ZFAT: variants seen among roughly 807,000 people sequenced by gnomAD.
ZFAT encodes the protein zinc finger and AT-hook domain containing.
Under a neutral mutation model 117.7 loss-of-function variants are expected in ZFAT, and 64 were observed. That is an observed-to-expected ratio of 0.54 (90% confidence interval 0.44 to 0.67). The LOEUF (loss-of-function observed/expected upper bound fraction) is 0.67. Ranked by LOEUF, ZFAT falls within the 30% of genes least tolerant of loss-of-function variation. ZFAT has a pLI of 0.00. For synonymous variants in ZFAT, 679 were observed against 615.0 expected (o/e 1.10, Z -1.54); for missense variants, 1,433 against 1,584.5 (o/e 0.90, Z 1.62).
chr8:134,816,779 G>A, the ZFAT span, among the ~76,000 whole-genome samples: 1 of 151,976 alleles, frequency 6.6e-6, no homozygotes, highest in Non-Finnish European at 1.5e-5. Context: ...TCAGGAGTTC[G>A]AGACCAGCCT....
At chr8:134,574,388 C>G (rs1396158089) in intron 10 of ZFAT, among the ~76,000 whole-genome samples, 1 of 152,022 alleles carries the variant, frequency 6.6e-6, no homozygotes, top group South Asian at 2.1e-4. Context: ...GAAGCCCCAG[C>G]CTGGCGACTT....
chr8:134,656,770 C>T (rs1831631798), intron 2 of ZFAT, among the ~76,000 whole-genome samples: 1 of 152,218 alleles, frequency 6.6e-6, no homozygotes, highest in African/African-American at 2.4e-5. Flanking sequence ...TGCCCAGCTG[C>T]TGTCCTTTAT....
the ZFAT span, among the ~76,000 whole-genome samples, chr8:134,817,493 G>C: frequency 3.3e-5 from 5 of 150,806 alleles, no homozygotes; most frequent in East Asian, 7.8e-4. Context: ...GCATATACGA[G>C]ACCAAAATAT....
At chr8:134,774,570 A>G in the ZFAT span, among the ~76,000 whole-genome samples, 900 of 152,304 alleles carry the variant, frequency 5.9e-3, 6 homozygotes, top group African/African-American at 0.021. Flanking sequence ...TTTTTAAATT[A>G]AGATATGTAC....
At chr8:134,502,971 C>G (rs567429804) in intron 15 of ZFAT, among the ~76,000 whole-genome samples, 115 of 152,314 alleles carry the variant, frequency 7.6e-4, no homozygotes, top group Middle Eastern at 6.8e-3. Context: ...CTAAAACTGG[C>G]AGGCAGTGTG....
the ZFAT span, among the ~76,000 whole-genome samples, chr8:134,760,085 G>A: frequency 4.0e-5 from 6 of 150,828 alleles, no homozygotes; most frequent in Middle Eastern, 3.5e-3. Context: ...TTGAGACCAC[G>A]GTGAAACCCC....
the ZFAT span, among the ~76,000 whole-genome samples, chr8:134,743,046 A>G: frequency 6.6e-6 from 1 of 152,276 alleles, no homozygotes; most frequent in African/African-American, 2.4e-5. Context: ...CAGGTGTGAA[A>G]GAGTGACACA....
intron 15 of ZFAT, among the ~76,000 whole-genome samples, chr8:134,479,729 C>A (rs965436364): frequency 1.3e-5 from 2 of 152,134 alleles, no homozygotes; most frequent in African/African-American, 4.8e-5. Flanking sequence ...AGAGCACGTG[C>A]TTTGTCCTGC....
chr8:134,629,434 C>G (rs1829736157), intron 3 of ZFAT, among the ~76,000 whole-genome samples: 1 of 151,934 alleles, frequency 6.6e-6, no homozygotes. Context: ...AACTGCACTT[C>G]TTGGGCCCTT....
At chr8:134,805,354 T>TA in the ZFAT span, among the ~76,000 whole-genome samples, 1 of 152,188 alleles carries the variant, frequency 6.6e-6, no homozygotes, top group Non-Finnish European at 1.5e-5. Flanking sequence ...ACGTTATTGT[T>TA]AAAAATGACT....
chr8:134,757,032 T>TC, the ZFAT span, among the ~76,000 whole-genome samples: 4 of 146,858 alleles, frequency 2.7e-5, no homozygotes, highest in Non-Finnish European at 6.0e-5. Context: ...TTTTTTTTTT[T>TC]TGAGACAAAG....
At chr8:134,585,247 G>A (rs1214575290) in intron 9 of ZFAT, among the ~76,000 whole-genome samples, 1 of 152,142 alleles carries the variant, frequency 6.6e-6, no homozygotes, top group African/African-American at 2.4e-5. Context: ...GCATCTTTCT[G>A]TATCTCGCAT....
chr8:134,482,246 T>C (rs1817366393), intron 15 of ZFAT, among the ~76,000 whole-genome samples: 1 of 152,142 alleles, frequency 6.6e-6, no homozygotes, highest in African/African-American at 2.4e-5. Context: ...CATACCTCCG[T>C]CTGCAAGTGG....
chr8:134,685,976 CACACA>C (rs528685958), intron 1 of ZFAT, among the ~76,000 whole-genome samples: 289 of 152,286 alleles, frequency 1.9e-3, no homozygotes, highest in African/African-American at 6.8e-3. Context: ...AGCAGGTGGG[CACACA>C]GCAGGGCTAC....
the ZFAT span, among the ~76,000 whole-genome samples, chr8:134,818,918 T>C: frequency 1.3e-5 from 2 of 152,186 alleles, no homozygotes; most frequent in African/African-American, 4.8e-5. Context: ...GCCTAGAGAA[T>C]GCAGGGGAGG....
chr8:134,624,184 A>G (rs369898281), intron 3 of ZFAT, among the ~76,000 whole-genome samples: 3,455 of 80,264 alleles, frequency 0.043, 91 homozygotes, highest in African/African-American at 0.081. Context: ...GCACATGCAC[A>G]CACACACACA....
At chr8:134,683,720 G>A (rs545810078) in intron 1 of ZFAT, among the ~76,000 whole-genome samples, 114 of 152,132 alleles carry the variant, frequency 7.5e-4, no homozygotes, top group Middle Eastern at 3.4e-3. Flanking sequence ...ACCTGGACAG[G>A]AAATGGATGC....
chr8:134,820,243 G>A, the ZFAT span, among the ~76,000 whole-genome samples: 1 of 152,060 alleles, frequency 6.6e-6, no homozygotes, highest in Non-Finnish European at 1.5e-5. Flanking sequence ...ACAAACCCAG[G>A]GTTTAAAACA....
chr8:134,668,763 G>A (rs920187318), intron 1 of ZFAT, among the ~76,000 whole-genome samples: 1 of 152,256 alleles, frequency 6.6e-6, no homozygotes, highest in African/African-American at 2.4e-5. Context: ...GAATGACTTT[G>A]ACGAGTTGAG....
Sources: gnomAD v4.1 joint callset for allele counts (sites outside exome capture counted in the v4.1 genomes callset) on GRCh38, gnomAD v4.1.1 for gene constraint, MANE v1.5 for transcripts, NCBI Gene and HGNC (gene_info 2026-07-23, HGNC 2026-07-21) for gene names.